The following RASA3 variants were observed in gnomAD, a reference collection of about 807,000 sequenced individuals.
RASA3 encodes the protein ras GTPase-activating protein 3.
A neutral mutation model predicts 110.0 loss-of-function variants in RASA3; 73 were observed. The ratio of observed to expected loss-of-function variants is 0.66; its 90% CI spans 0.55 to 0.81. RASA3 has a LOEUF of 0.81. RASA3 is among the 30% of genes least tolerant of loss of function. RASA3 has a pLI of 0.00. For missense variants in RASA3, 976 were observed against 1,113.2 expected (o/e 0.88, Z 1.75); for synonymous variants, 500 against 451.4 (o/e 1.11, Z -1.37).
At chr13:114,009,952 C>G (rs1321941026) in intron 16 of RASA3, among the ~76,000 whole-genome samples, 1 of 152,238 alleles carries the variant, frequency 6.6e-6, no homozygotes, top group Non-Finnish European at 1.5e-5. Flanking sequence ...GCCTTTGCAG[C>G]CACCATTCCT....
intron 1 of RASA3, among the ~76,000 whole-genome samples, chr13:114,081,121 T>C (rs11147306): frequency 0.19 from 23,973 of 124,064 alleles, 3,121 homozygotes; most frequent in African/African-American, 0.3. Flanking sequence ...CAGAGGGCCG[T>C]CCACCCAAAA....
chr13:114,073,959 T>A (rs2079624324), intron 1 of RASA3, 122 bp from the exon 2 acceptor site: 2 of 880,528 alleles, frequency 2.3e-6, no homozygotes, highest in South Asian at 2.9e-5. Context: ...AGCCTTGGTT[T>A]TTTTGCCACC....
chr13:114,076,205 A>T (rs1388977281), intron 1 of RASA3, among the ~76,000 whole-genome samples: 1 of 152,196 alleles, frequency 6.6e-6, no homozygotes, highest in Non-Finnish European at 1.5e-5. Context: ...CGGCTCTGAG[A>T]CGCCTCTAAT....
At chr13:114,002,176 C>G (rs952901906) in intron 18 of RASA3, among the ~76,000 whole-genome samples, 4 of 152,214 alleles carry the variant, frequency 2.6e-5, no homozygotes, top group African/African-American at 9.7e-5. Flanking sequence ...GCTGGAGAGA[C>G]AGAGTGGGGA....
chr13:114,007,973 C>G (rs74364735), intron 17 of RASA3, among the ~76,000 whole-genome samples: 1 of 116,934 alleles, frequency 8.6e-6, no homozygotes, highest in African/African-American at 3.4e-5. Context: ...AGGTTGCCCC[C>G]ACGCACCGCG....
At chr13:114,082,221 A>C (rs7989453) in intron 1 of RASA3, among the ~76,000 whole-genome samples, 12,614 of 152,284 alleles carry the variant, frequency 0.083, 1,100 homozygotes, top group African/African-American at 0.21. Context: ...GCAGGAGGCC[A>C]GAGACGTCCA....
intron 20 of RASA3, among the ~76,000 whole-genome samples, chr13:113,998,876 GC>G: frequency 6.6e-6 from 1 of 152,390 alleles, no homozygotes; most frequent in South Asian, 2.1e-4. Context: ...AGGAACCACA[GC>G]CGGAAGAACG....
At chr13:113,980,302 T>A (rs76140469) in intron 23 of RASA3, among the ~76,000 whole-genome samples, 10,845 of 146,582 alleles carry the variant, frequency 0.074, 554 homozygotes, top group Middle Eastern at 0.12. Context: ...TTCTGCCATG[T>A]ATGTGCACCT....
At chr13:114,066,226 G>T (rs892418119) in intron 2 of RASA3, among the ~76,000 whole-genome samples, 58 of 152,260 alleles carry the variant, frequency 3.8e-4, no homozygotes, top group African/African-American at 1.4e-3. Flanking sequence ...GGGTCTTTAG[G>T]GCCCGGCCAC....
At chr13:113,995,746 G>GGGCCCAGCTGCCGGGGGT (rs1235458107) in intron 21 of RASA3, among the ~76,000 whole-genome samples, 3 of 69,130 alleles carry the variant, frequency 4.3e-5, no homozygotes, top group Admixed American at 1.2e-4. Context: ...GCTGACGGGG[G>GGGCCCAGCTGCCGGGGGT]CCCGGCTGAC....
At chr13:114,082,632 G>C (rs889878311) in intron 1 of RASA3, among the ~76,000 whole-genome samples, 25 of 152,158 alleles carry the variant, frequency 1.6e-4, no homozygotes, top group Non-Finnish European at 1.9e-4. Flanking sequence ...GTCCCGTCTG[G>C]GGGCAGCCCC....
chr13:114,050,538 T>C (rs918935485), intron 3 of RASA3, among the ~76,000 whole-genome samples: 1 of 152,168 alleles, frequency 6.6e-6, no homozygotes, highest in African/African-American at 2.4e-5. Flanking sequence ...ACCCCTGCAA[T>C]GGTGAGGGGG....
At chr13:114,032,243 T>A (rs1304229604) in intron 4 of RASA3, among the ~76,000 whole-genome samples, 1 of 152,104 alleles carries the variant, frequency 6.6e-6, no homozygotes, top group East Asian at 1.9e-4. Context: ...CTATTCTGAA[T>A]TTCTTCCTCA....
chr13:113,992,585 G>A lies in RASA3; in HGVS notation c.2145C>T (p.Gly715=). 1 of 1,612,056 alleles carries A rather than the reference G, an allele frequency of 6.2e-7. No homozygotes were observed. Among genetic ancestry groups the A allele is most frequent in the Non-Finnish European group, 8.5e-7 (1 of 1,178,784 alleles). The change falls in exon 22 of 24, where the codon GGC becomes GGT. Residue 715 remains glycine, a synonymous_variant. Coordinates refer to ENST00000334062, the MANE Select transcript of RASA3 (RefSeq NM_007368.4). ...TGTCCAGCTGGATGTTGGCTGGGAG[G>A]CCGCTGTCCAGACACAGCAAGAACA... is the stretch of plus-strand genomic sequence containing the variant. The part of the protein sequence containing the change: ...SAPGCSPCTG[G]LPANIQLDID...
intron 4 of RASA3, among the ~76,000 whole-genome samples, chr13:114,034,621 CT>C (rs1227879228): frequency 1.3e-5 from 2 of 152,250 alleles, no homozygotes; most frequent in African/African-American, 4.8e-5. Context: ...AAACCCACCC[CT>C]GGAAGGCCCT....
intron 2 of RASA3, among the ~76,000 whole-genome samples, chr13:114,055,066 C>A (rs919752626): frequency 6.6e-6 from 1 of 151,692 alleles, no homozygotes; most frequent in Non-Finnish European, 1.5e-5. Flanking sequence ...ACGTGTGTGC[C>A]CACAGGCACG....
At position 113,979,372 on chromosome 13, in the gene RASA3, G is replaced by A; in HGVS notation, c.2480C>T (p.Ser827Phe). The change falls in exon 24 of 24, where the codon TCC becomes TTC. Residue 827 changes from serine (S) to phenylalanine (F), a missense_variant. Coordinates refer to ENST00000334062, the MANE Select transcript of RASA3 (RefSeq NM_007368.4). ...TTAAATGGAATGAGTGGAGGTCTCGGACTGCTGCCGGATGTAGTTCTGGAA... is the reference window on the plus strand; with the variant it reads ...TTAAATGGAATGAGTGGAGGTCTCGAACTGCTGCCGGATGTAGTTCTGGAA... ...KSFQNYIRQQ[S>F]ETSTHSI The A allele has an allele frequency of 6.2e-7, 1 of 1,606,838 alleles. No individual in the cohort carries two copies. The highest frequency in any genetic ancestry group is 1.3e-5 in the African/African-American group (1 of 74,878).
intron 1 of RASA3, among the ~76,000 whole-genome samples, chr13:114,109,993 G>A (rs1033394486): frequency 1.3e-5 from 2 of 152,080 alleles, no homozygotes; most frequent in Non-Finnish European, 2.9e-5. Flanking sequence ...TCAGGGCAAC[G>A]AGCGTCTGGC....
chr13:113,980,623 T>C (rs1292921488), intron 23 of RASA3, among the ~76,000 whole-genome samples: 1 of 152,262 alleles, frequency 6.6e-6, no homozygotes, highest in East Asian at 1.9e-4. Flanking sequence ...CGAGGCAACA[T>C]ATTTGGAAGG....
Sources: gnomAD v4.1 joint callset for allele counts (sites outside exome capture counted in the v4.1 genomes callset) on GRCh38, gnomAD v4.1.1 for gene constraint, MANE v1.5 for transcripts, NCBI Gene and HGNC (gene_info 2026-07-23, HGNC 2026-07-21) for gene names.